Variants in UBE2D2 observed in about 807,000 individuals in gnomAD.
The protein encoded by UBE2D2 is ubiquitin conjugating enzyme E2 D2, also known as ubiquitin-conjugating enzyme E2 D2.
In UBE2D2, 2 loss-of-function variants were observed where a neutral mutation model predicts 24.2. That is an observed-to-expected ratio of 0.08 (90% CI 0.03 to 0.26). The LOEUF is 0.26. UBE2D2 is among the 10% of genes least tolerant of loss of function. The probability of loss-of-function intolerance (pLI) is 1.00; values close to 1 mark genes in which losing one functional copy is unlikely to be tolerated. For synonymous variants in UBE2D2, 58 were observed against 56.5 expected (o/e 1.03, Z -0.12); for missense variants, 44 against 177.6 (o/e 0.25, Z 4.28).
chr5:139,557,609 C>T (rs1398749841), upstream of UBE2D2, among the ~76,000 whole-genome samples: 3 of 151,646 alleles, frequency 2.0e-5, no homozygotes, highest in Non-Finnish European at 4.4e-5. Context: ...ATTAGCCAGG[C>T]GTTGTGGTGC....
intron 1 of UBE2D2, among the ~76,000 whole-genome samples, chr5:139,537,857 G>C (rs1207498895): frequency 4.0e-5 from 6 of 151,756 alleles, no homozygotes; most frequent in Non-Finnish European, 1.5e-5. Context: ...CCAGCTACTG[G>C]GGAGGCTAAG....
chr5:139,527,292 C>T (rs148532106), intron 1 of UBE2D2, among the ~76,000 whole-genome samples: 2 of 152,152 alleles, frequency 1.3e-5, no homozygotes, highest in African/African-American at 2.4e-5. Context: ...CCCCTTCCCC[C>T]TCTCCCCACA....
chr5:139,561,882 T>C, intron 1 of UBE2D2, 67 bp downstream of exon 1: 2 of 1,439,750 alleles, frequency 1.4e-6, no homozygotes, highest in South Asian at 1.6e-5. Context: ...CTTCCCGCCG[T>C]AGTCTCCGTC....
chr5:139,570,302 T>G (rs1753323132), intron 1 of UBE2D2, among the ~76,000 whole-genome samples: 1 of 152,022 alleles, frequency 6.6e-6, no homozygotes, highest in Non-Finnish European at 1.5e-5. Flanking sequence ...AAACAACTAT[T>G]GCAAATTTGG....
chr5:139,528,997 G>A (rs909561328), intron 1 of UBE2D2, among the ~76,000 whole-genome samples: 6 of 152,138 alleles, frequency 3.9e-5, no homozygotes, highest in Admixed American at 2.6e-4. Flanking sequence ...AACTCATTGC[G>A]GGACTCATTT....
chr5:139,549,892 T>A (rs1752886405), intron 1 of UBE2D2, among the ~76,000 whole-genome samples: 1 of 152,220 alleles, frequency 6.6e-6, no homozygotes, highest in Non-Finnish European at 1.5e-5. Flanking sequence ...AGCTCAGGGT[T>A]CATGGATGCA....
intron 2 of UBE2D2, among the ~76,000 whole-genome samples, chr5:139,604,976 C>T (rs1375454757): frequency 6.6e-6 from 1 of 151,568 alleles, no homozygotes; most frequent in Non-Finnish European, 1.5e-5. Context: ...GTCCTTTTGT[C>T]ATTTTATTTT....
rs541097335 is a variant in UBE2D2, at chr5:139,531,581, C to T, written c.-64+4969C>T. 5.4e-5 allele frequency among the ~76,000 whole-genome samples: 8 copies of T among 148,406 alleles called. No individual in the cohort carries two copies. The East Asian group carries it at 1.4e-3, about 26-fold the overall frequency. Reference sequence around the variant, plus strand: ...CCTGCTACAAGCTGAGATTGCATCACATACCCCTGCACTCCAGCTTGGGTG... The same window carrying T: ...CCTGCTACAAGCTGAGATTGCATCATATACCCCTGCACTCCAGCTTGGGTG... On this transcript the variant is annotated intron_variant, in intron 1 of 6. Coordinates refer to the UBE2D2 transcript ENST00000511725.
In UBE2D2 at chr5:139,627,956, A is replaced by G. The variant is rs1302690514; in HGVS notation, c.*1155A>G. On this transcript the variant is annotated 3_prime_UTR_variant, in exon 7 of 7. Transcript: ENST00000398733. Reference sequence around the variant, plus strand: ...AATTCAATAAGAAATTTGCTTTATTAATGAAACTAAGCTGCATTTCATCAA... The same window carrying G: ...AATTCAATAAGAAATTTGCTTTATTGATGAAACTAAGCTGCATTTCATCAA... 1 of 152,692 alleles carries G rather than the reference A, an allele frequency of 6.5e-6. No individual in the cohort carries two copies. Among genetic ancestry groups the G allele is most frequent in the African/African-American group, 2.4e-5 (1 of 41,472 alleles). The allele number at this position is 152,692 out of a possible 1,614,324, so 9.5% of individuals were successfully genotyped here.
chr5:139,530,995 A>G (rs1752590486), intron 1 of UBE2D2, among the ~76,000 whole-genome samples: 2 of 152,330 alleles, frequency 1.3e-5, no homozygotes, highest in South Asian at 4.1e-4. Flanking sequence ...TATGTAAATC[A>G]CTATCAATCT....
chr5:139,576,069 A>G (rs1200336450), intron 1 of UBE2D2, among the ~76,000 whole-genome samples: 1 of 152,222 alleles, frequency 6.6e-6, no homozygotes, highest in Non-Finnish European at 1.5e-5. Flanking sequence ...AAAAGCCTCA[A>G]TGGTAGGAGT....
chr5:139,561,956 A>G (rs1261590490), intron 1 of UBE2D2, 141 bp downstream of exon 1: 11 of 1,169,112 alleles, frequency 9.4e-6, no homozygotes, highest in African/African-American at 1.6e-5. Context: ...TCCATACCCC[A>G]CTCCCAGTGA....
intron 1 of UBE2D2, among the ~76,000 whole-genome samples, chr5:139,575,017 A>G (rs1437073350): frequency 1.3e-5 from 2 of 152,224 alleles, no homozygotes; most frequent in Non-Finnish European, 2.9e-5. Flanking sequence ...TGAATATGTA[A>G]ACAAAATGTA....
intron 1 of UBE2D2, among the ~76,000 whole-genome samples, chr5:139,573,433 C>T (rs1010814389): frequency 5.9e-5 from 9 of 151,918 alleles, no homozygotes; most frequent in African/African-American, 1.7e-4. Context: ...CTTTAAATGT[C>T]TTACTGTATA....
In UBE2D2 at chr5:139,601,636, C is replaced by T. The variant is rs151059702; in HGVS notation, c.88+1201C>T. Among the ~76,000 whole-genome samples, 524 of 150,720 alleles carry T rather than the reference C, an allele frequency of 3.5e-3. 2 individuals carry two copies. Among genetic ancestry groups the T allele is most frequent in the Middle Eastern group, 0.014 (4 of 278 alleles). On this transcript the variant is annotated intron_variant, in intron 2 of 6. Transcript: ENST00000398733. ...CTCAAAAAATAAAAACAGGACGGGG[C>T]GTCATGGCTCATGCCTCTAATCCCA...
intron 1 of UBE2D2, among the ~76,000 whole-genome samples, chr5:139,592,492 A>C (rs376463550): frequency 2.6e-4 from 39 of 151,256 alleles, no homozygotes; most frequent in African/African-American, 8.5e-4. Context: ...GAGCCTGTGA[A>C]TTTGCATTTC....
At position 139,614,792 on chromosome 5, in the gene UBE2D2, G is replaced by A. The variant is rs1754388725; in HGVS notation, c.198+18G>A. 6.2e-7 allele frequency: 1 copy of A among 1,613,140 alleles called. No individual in the cohort carries two copies. The highest frequency in any genetic ancestry group is 2.2e-5 in the East Asian group (1 of 44,804). ...CACCTAAGGTAATTAATTGGAATGT[G>A]GCAGTTTTTAATGTACTTTCTATAA... On this transcript the variant is annotated intron_variant, in intron 4 of 6. Transcript: ENST00000398733.
chr5:139,570,301 T>C (rs1753323081), intron 1 of UBE2D2, among the ~76,000 whole-genome samples: 1 of 151,942 alleles, frequency 6.6e-6, no homozygotes, highest in South Asian at 2.1e-4. Flanking sequence ...AAAACAACTA[T>C]TGCAAATTTG....
chr5:139,586,397 TCTAA>T (rs979502399), intron 1 of UBE2D2, among the ~76,000 whole-genome samples: 2 of 152,162 alleles, frequency 1.3e-5, no homozygotes, highest in African/African-American at 2.4e-5. Flanking sequence ...ACTTCCTGAT[TCTAA>T]CTAACACCCT....
Sources: gnomAD v4.1 joint callset for allele counts (sites outside exome capture counted in the v4.1 genomes callset) on GRCh38, gnomAD v4.1.1 for gene constraint, MANE v1.5 for transcripts, NCBI Gene and HGNC (gene_info 2026-07-23, HGNC 2026-07-21) for gene names.